GFRA1: variants seen among roughly 807,000 people sequenced by gnomAD.
GFRA1 encodes GDNF family receptor alpha 1.
GFRA1 carries 16 observed loss-of-function variants against 51.6 expected under a neutral mutation model. The observed-to-expected ratio is 0.31, with a 90% CI of 0.21 to 0.47. The LOEUF (loss-of-function observed/expected upper bound fraction) is 0.47, where lower values mean the gene tolerates loss of function less well. Ranked by LOEUF, GFRA1 falls within the 20% of genes least tolerant of loss-of-function variation. GFRA1 has a pLI of 1.00. For missense variants in GFRA1, 530 were observed against 594.3 expected, an observed-to-expected ratio of 0.89 and a Z score of 1.13; for synonymous variants, 270 against 241.3, an observed-to-expected ratio of 1.12 and a Z score of -1.10.
intron 5 of GFRA1, among the ~76,000 whole-genome samples, chr10:116,140,681 C>A (rs1363275188): frequency 3.3e-5 from 5 of 151,314 alleles, no homozygotes; most frequent in African/African-American, 4.9e-5. Flanking sequence ...AAAAAAAAAA[C>A]AAATGTCTAA....
At chr10:116,072,091 T>A (rs931016637) in intron 9 of GFRA1, among the ~76,000 whole-genome samples, 3 of 151,958 alleles carry the variant, frequency 2.0e-5, no homozygotes, top group Admixed American at 6.6e-5. Context: ...TTTTCAGGAA[T>A]TTGCCTTTTC....
intron 5 of GFRA1, among the ~76,000 whole-genome samples, chr10:116,203,739 T>C (rs1964516540): frequency 6.6e-6 from 1 of 152,040 alleles, no homozygotes; most frequent in South Asian, 2.1e-4. Flanking sequence ...TGAGCAACAA[T>C]CTCAACTGGG....
intron 5 of GFRA1, among the ~76,000 whole-genome samples, chr10:116,140,577 A>G (rs1447489651): frequency 6.6e-6 from 1 of 152,220 alleles, no homozygotes; most frequent in African/African-American, 2.4e-5. Flanking sequence ...CAGGTGAAAT[A>G]GCATAATTTC....
In GFRA1 at chr10:116,061,907, ATCTC is replaced by A. The variant is rs1029625570; in HGVS notation, c.*2487_*2490del. 6.1e-4 allele frequency: 244 copies of A among 398,210 alleles called. No individual in the cohort carries two copies. Among genetic ancestry groups the A allele is most frequent in the African/African-American group, 4.6e-3 (222 of 48,742 alleles). The allele number at this position is 398,210 out of a possible 1,614,324, so 24.7% of individuals were successfully genotyped here. ...CCTTGCTTGGCTTGCTTTGATAAGA[ATCTC>A]TCTAACGTGTTGTCCCTGAACAAGA... On this transcript the variant is annotated 3_prime_UTR_variant, in exon 11 of 11. Transcript: ENST00000355422.
chr10:116,263,883 G>A (rs537198929), intron 4 of GFRA1, among the ~76,000 whole-genome samples: 2 of 152,286 alleles, frequency 1.3e-5, no homozygotes, highest in African/African-American at 4.8e-5. Context: ...AGGCTGAAGG[G>A]GTTGAAGACA....
In GFRA1 at chr10:116,269,552, T is replaced by A. The variant is rs756892651; in HGVS notation, c.369A>T (p.Pro123=). 3.7e-6 allele frequency: 6 copies of A among 1,608,136 alleles called. No homozygotes were observed. Among genetic ancestry groups the A allele is most frequent in the Non-Finnish European group, 4.3e-6 (5 of 1,174,602 alleles). Residue 123 remains proline (P), a synonymous_variant, in exon 4 of 11, where the codon CCA becomes CCT. Coordinates refer to ENST00000355422, the MANE Select transcript of GFRA1 (RefSeq NM_005264.8). The part of the protein sequence containing the change: ...NDLLEDSPYE[P]VNSRLSDIFR... ...ATATATCTGACAATCTGCTGTTAAC[T>A]GGTTCATATGGGGAATCCTCCAGCA...
intron 4 of GFRA1, among the ~76,000 whole-genome samples, chr10:116,241,716 C>T (rs1297602148): frequency 1.3e-5 from 2 of 152,174 alleles, no homozygotes; most frequent in Non-Finnish European, 2.9e-5. Context: ...GAGACTGACG[C>T]TTTTGTTGTT....
intron 4 of GFRA1, among the ~76,000 whole-genome samples, chr10:116,242,653 T>C (rs1329190477): frequency 6.6e-6 from 1 of 152,122 alleles, no homozygotes; most frequent in South Asian, 2.1e-4. Context: ...AGTTAATTTT[T>C]GTACTTTTAG....
Position 116,271,022 on chromosome 10 carries a change from T to G in GFRA1, c.134A>C (p.Lys45Thr). 1.2e-6 allele frequency: 2 copies of G among 1,614,192 alleles called. No individual in the cohort carries two copies. Among genetic ancestry groups the G allele is most frequent in the Non-Finnish European group, 1.7e-6 (2 of 1,180,000 alleles). Residue 45 changes from lysine to threonine, a missense_variant, in exon 3 of 11, where the codon AAG becomes ACG. Physicochemically the swap from Lys to Thr is moderately conservative, Grantham distance 78 (BLOSUM62 -1). Transcript: ENST00000355422. ...CACGCACTGCCTTAGCGTGCGGTAC[T>G]TGGTGCTGCAGCTCTGCTCCTTCAG... ...QCLKEQSCST[K>T]YRTLRQCVAG...
In GFRA1 at chr10:116,189,025, C is replaced by T. The variant is rs1293650099; in HGVS notation, c.433+22606G>A. ...ATCCCAGCACTTTGGGAGGCTGGGG[C>T]AGGAGGATTGCTTGAGGCCAGGAAT... is the stretch of plus-strand genomic sequence containing the variant. On this transcript the variant is annotated intron_variant, in intron 5 of 10. Coordinates refer to ENST00000355422, the MANE Select transcript of GFRA1 (RefSeq NM_005264.8). Among the ~76,000 whole-genome samples the T allele has an allele frequency of 3.4e-5, 5 of 147,748 alleles. No individual in the cohort carries two copies. The Admixed American group carries it at 3.4e-4, about 10-fold the overall frequency.
chr10:116,206,371 C>T (rs1964757341), intron 5 of GFRA1, among the ~76,000 whole-genome samples: 1 of 152,054 alleles, frequency 6.6e-6, no homozygotes, highest in African/African-American at 2.4e-5. Flanking sequence ...CAGTTTGACC[C>T]ATAAGTTTGA....
Position 116,109,151 on chromosome 10 carries a change from C to T in GFRA1, c.771-12387G>A, listed in dbSNP as rs965689829. On this transcript the variant is annotated intron_variant, in intron 6 of 10. Coordinates refer to ENST00000355422, the MANE Select transcript of GFRA1 (RefSeq NM_005264.8). ...TTGCCTTATTTTACAGTTGAGGACA[C>T]GAGGTCCCAGAGAGGTCCACGACCA... 7.9e-5 allele frequency among the ~76,000 whole-genome samples: 12 copies of T among 152,284 alleles called. No individual in the cohort carries two copies. In the East Asian group the frequency reaches 1.2e-3, roughly 15 times the overall value.
intron 5 of GFRA1, among the ~76,000 whole-genome samples, chr10:116,172,760 C>T (rs991908330): frequency 6.6e-6 from 1 of 152,150 alleles, no homozygotes; most frequent in African/African-American, 2.4e-5. Flanking sequence ...GGTGTGGGGG[C>T]CTTATCCTCA....
chr10:116,061,906 A>G lies in GFRA1; in HGVS notation c.*2492T>C, dbSNP rs1238400784. The G allele has an allele frequency of 1.8e-5, 7 of 398,186 alleles. No individual in the cohort carries two copies. The South Asian group carries it at 9.2e-4, about 52-fold the overall frequency. The allele number at this position is 398,186 out of a possible 1,614,324, so 24.7% of individuals were successfully genotyped here. Reference sequence around the variant, plus strand: ...ACCTTGCTTGGCTTGCTTTGATAAGAATCTCTCTAACGTGTTGTCCCTGAA... The same window carrying G: ...ACCTTGCTTGGCTTGCTTTGATAAGGATCTCTCTAACGTGTTGTCCCTGAA... On this transcript the variant is annotated 3_prime_UTR_variant, in exon 11 of 11. Coordinates refer to ENST00000355422, the MANE Select transcript of GFRA1 (RefSeq NM_005264.8).
intron 5 of GFRA1, among the ~76,000 whole-genome samples, chr10:116,178,932 G>C (rs1006028880): frequency 6.6e-6 from 1 of 152,178 alleles, no homozygotes; most frequent in Non-Finnish European, 1.5e-5. Flanking sequence ...CTGTGGTGGA[G>C]AGCACCTGCT....
intron 4 of GFRA1, among the ~76,000 whole-genome samples, chr10:116,224,521 T>C (rs1278604739): frequency 6.6e-6 from 1 of 152,158 alleles, no homozygotes; most frequent in East Asian, 1.9e-4. Context: ...TAGGAAGACA[T>C]GAAGTATTGA....
intron 6 of GFRA1, among the ~76,000 whole-genome samples, chr10:116,104,366 T>A (rs1345733536): frequency 1.3e-5 from 2 of 152,338 alleles, no homozygotes; most frequent in South Asian, 4.1e-4. Context: ...CCGATCACTG[T>A]TGCTCCTCTG....
chr10:116,109,356 G>C (rs1957112002), intron 6 of GFRA1, among the ~76,000 whole-genome samples: 1 of 152,188 alleles, frequency 6.6e-6, no homozygotes, highest in African/African-American at 2.4e-5. Flanking sequence ...GCCCAAATCT[G>C]ATTTAGGTGG....
rs541330863 is a variant in GFRA1, at chr10:116,176,873, T to G, written c.433+34758A>C. Among the ~76,000 whole-genome samples, 163 of 152,274 alleles carry G rather than the reference T, an allele frequency of 1.1e-3. 1 individual carries two copies. Among genetic ancestry groups the G allele is most frequent in the Admixed American group, 5.6e-3 (86 of 15,286 alleles). Reference sequence around the variant, plus strand: ...CAAATAGACAACCAAGAGATCACCATGCAGTGTGGCAGTGGCAGACGCTGC... The same window carrying G: ...CAAATAGACAACCAAGAGATCACCAGGCAGTGTGGCAGTGGCAGACGCTGC... On this transcript the variant is annotated intron_variant, in intron 5 of 10. Transcript: ENST00000355422.
Sources: gnomAD v4.1 joint callset for allele counts (sites outside exome capture counted in the v4.1 genomes callset) on GRCh38, gnomAD v4.1.1 for gene constraint, MANE v1.5 for transcripts, NCBI Gene and HGNC (gene_info 2026-07-23, HGNC 2026-07-21) for gene names.